LRGUK: variants seen among roughly 807,000 people sequenced by gnomAD.
LRGUK encodes the protein leucine rich repeats and guanylate kinase domain containing.
Under a neutral mutation model 76.0 loss-of-function variants are expected in LRGUK, and 65 were observed. The ratio of observed to expected loss-of-function variants is 0.85; its 90% CI spans 0.70 to 1.05. The LOEUF is 1.05. Among genes scored for constraint, LRGUK ranks in the 50% least tolerant of loss-of-function variants. The pLI, the probability that LRGUK is intolerant of heterozygous loss-of-function variation, is 0.00. For synonymous variants in LRGUK, 268 were observed against 265.6 expected (o/e 1.01, Z -0.09); for missense variants, 758 against 732.8 (o/e 1.03, Z -0.40).
chr7:134,201,514 A>G (rs757968522), exon 15 of LRGUK: 2 of 1,614,022 alleles, frequency 1.2e-6, no homozygotes, highest in Non-Finnish European at 8.5e-7. Flanking sequence ...AAACTGAGTC[A>G]GCTCATTAGA....
At chr7:134,190,326 C>A (rs1195611713) in intron 11 of LRGUK, among the ~76,000 whole-genome samples, 1 of 152,188 alleles carries the variant, frequency 6.6e-6, no homozygotes, top group Admixed American at 6.5e-5. Flanking sequence ...CACACCTCAA[C>A]CTCCTGAGCA....
At chr7:134,162,511 T>C (rs915987943) in intron 6 of LRGUK, among the ~76,000 whole-genome samples, 4 of 152,104 alleles carry the variant, frequency 2.6e-5, no homozygotes, top group African/African-American at 9.7e-5. Context: ...AGCTAATTCA[T>C]AGGTCCAGCC....
intron 19 of LRGUK, among the ~76,000 whole-genome samples, chr7:134,259,060 T>C (rs995258146): frequency 4.6e-5 from 7 of 152,172 alleles, no homozygotes; most frequent in African/African-American, 1.7e-4. Flanking sequence ...AAGGAAAGCA[T>C]GGAGGCTTTG....
intron 7 of LRGUK, among the ~76,000 whole-genome samples, chr7:134,173,563 C>G (rs931325785): frequency 6.6e-6 from 1 of 152,072 alleles, no homozygotes; most frequent in African/African-American, 2.4e-5. Flanking sequence ...TTCAGGCCTG[C>G]CGCAATCCAA....
chr7:134,242,351 T>C (rs936428491), intron 16 of LRGUK, among the ~76,000 whole-genome samples: 1 of 151,956 alleles, frequency 6.6e-6, no homozygotes, highest in Non-Finnish European at 1.5e-5. Flanking sequence ...ATAGATGCAA[T>C]AAAAAATGAT....
chr7:134,148,457 T>C, intron 5 of LRGUK, 138 bp downstream of exon 5: 1 of 594,558 alleles, frequency 1.7e-6, no homozygotes, highest in Non-Finnish European at 2.9e-6. Context: ...TTTAAAGGAC[T>C]AGGAATTGGT....
chr7:134,217,571 A>G (rs747747462), intron 15 of LRGUK, among the ~76,000 whole-genome samples: 6 of 152,246 alleles, frequency 3.9e-5, no homozygotes, highest in South Asian at 4.2e-4. Flanking sequence ...ACTATGCAAA[A>G]TTATTATTTT....
At chr7:134,173,549 A>G (rs1171202704) in intron 7 of LRGUK, among the ~76,000 whole-genome samples, 1 of 152,200 alleles carries the variant, frequency 6.6e-6, no homozygotes, top group Non-Finnish European at 1.5e-5. Flanking sequence ...AATTTAGTAG[A>G]GAATTCAGGC....
chr7:134,242,515 T>TC (rs1324098033), intron 16 of LRGUK, among the ~76,000 whole-genome samples: 1 of 152,124 alleles, frequency 6.6e-6, no homozygotes, highest in African/African-American at 2.4e-5. Context: ...AGAAGCTGAA[T>TC]CCCTGAATAG....
intron 16 of LRGUK, among the ~76,000 whole-genome samples, chr7:134,245,590 C>G (rs1294339520): frequency 6.6e-6 from 1 of 152,110 alleles, no homozygotes; most frequent in African/African-American, 2.4e-5. Context: ...TATTTAGTTG[C>G]TATGTTTATT....
chr7:134,239,377 A>G (rs969151804), intron 16 of LRGUK, among the ~76,000 whole-genome samples: 14 of 152,230 alleles, frequency 9.2e-5, no homozygotes, highest in Non-Finnish European at 1.3e-4. Flanking sequence ...CAACGGCCTT[A>G]GCAAATGGCA....
At chr7:134,158,478 T>C (rs1023917878) in intron 6 of LRGUK, among the ~76,000 whole-genome samples, 3 of 152,218 alleles carry the variant, frequency 2.0e-5, no homozygotes, top group Admixed American at 2.0e-4. Context: ...AAAATATTTT[T>C]TATAGTATCT....
At chr7:134,256,245 G>A (rs761081448) in intron 18 of LRGUK, among the ~76,000 whole-genome samples, 6 of 151,980 alleles carry the variant, frequency 3.9e-5, no homozygotes, top group East Asian at 1.9e-4. Context: ...ATCACCTGAG[G>A]TCAGGAGTTC....
intron 7 of LRGUK, among the ~76,000 whole-genome samples, chr7:134,172,540 A>G (rs893228011): frequency 2.0e-5 from 3 of 152,198 alleles, no homozygotes; most frequent in Non-Finnish European, 4.4e-5. Flanking sequence ...GAAACAAGTG[A>G]AATACATCAG....
chr7:134,136,337 T>C (rs910513493), intron 1 of LRGUK, among the ~76,000 whole-genome samples: 2 of 152,204 alleles, frequency 1.3e-5, no homozygotes, highest in African/African-American at 4.8e-5. Flanking sequence ...TTTAAAAATC[T>C]TATACATTTT....
chr7:134,203,759 T>C (rs1800885995), intron 15 of LRGUK, among the ~76,000 whole-genome samples: 1 of 152,204 alleles, frequency 6.6e-6, no homozygotes. Context: ...TATCCAGCCC[T>C]GCTCAGAATC....
In LRGUK at chr7:134,137,143, A is replaced by G. The variant is rs1007492815; in HGVS notation, c.405+13A>G. On this transcript the variant is annotated intron_variant, in intron 2 of 15. Coordinates refer to ENST00000645682, the Ensembl canonical transcript of LRGUK. ...TCTAACTTTATCAGTGAGTATGACA[A>G]AATCTCCATTGGCTGGCTACAGCTT... 3 of 1,576,554 alleles carry G rather than the reference A, an allele frequency of 1.9e-6. No homozygotes were observed. The highest frequency in any genetic ancestry group is 2.6e-6 in the Non-Finnish European group (3 of 1,150,052).
intron 8 of LRGUK, among the ~76,000 whole-genome samples, chr7:134,175,823 C>T (rs1563162479): frequency 6.6e-6 from 1 of 152,068 alleles, no homozygotes; most frequent in Non-Finnish European, 1.5e-5. Flanking sequence ...TTCCAAAAGG[C>T]AGATAATCCT....
At chr7:134,227,834 TAGAAACATAACA>T in intron 16 of LRGUK, among the ~76,000 whole-genome samples, 1 of 152,116 alleles carries the variant, frequency 6.6e-6, no homozygotes, top group Middle Eastern at 3.4e-3. Context: ...AAATAAATCT[TAGAAACATAACA>T]AGATGGGAAA....
Sources: allele counts gnomAD v4.1 joint callset (sites outside exome capture counted in the v4.1 genomes callset), GRCh38; gene constraint gnomAD v4.1.1; transcripts MANE v1.5; gene names NCBI Gene and HGNC (gene_info 2026-07-23, HGNC 2026-07-21).